EML5: variants seen among roughly 807,000 people sequenced by gnomAD.
EML5 encodes echinoderm microtubule-associated protein-like 5.
Under a neutral mutation model 250.0 loss-of-function variants are expected in EML5, and 120 were observed. That is an observed-to-expected ratio of 0.48 (90% CI 0.41 to 0.56). The LOEUF (loss-of-function observed/expected upper bound fraction) is 0.56, where lower values mean the gene tolerates loss of function less well. Ranked by LOEUF, EML5 falls within the 20% of genes least tolerant of loss-of-function variation. EML5 has a pLI of 0.00. For missense variants in EML5, 2,006 were observed against 2,437.6 expected (o/e 0.82, Z 3.73); for synonymous variants, 771 against 806.5 (o/e 0.96, Z 0.75).
chr14:88,673,334 C>T (rs1174960409), intron 21 of EML5, among the ~76,000 whole-genome samples: 1 of 152,206 alleles, frequency 6.6e-6, no homozygotes, highest in African/African-American at 2.4e-5. Flanking sequence ...TAAAATTCAA[C>T]ATCCCATCAC....
At chr14:88,621,457 A>G (rs941668) in intron 37 of EML5, 156 bp from the exon 38 acceptor site, 296,891 of 729,234 alleles carry the variant, frequency 0.41, 67,224 homozygotes, top group Middle Eastern at 0.49. Context: ...AAATTTTTCT[A>G]TGACTACAGG....
chr14:88,718,025 G>A (rs557583359), intron 8 of EML5, among the ~76,000 whole-genome samples: 3 of 152,324 alleles, frequency 2.0e-5, no homozygotes, highest in East Asian at 1.9e-4. Flanking sequence ...TCAACAGGAT[G>A]TGGTGCTGAT....
chr14:88,747,692 C>G (rs1053695594), intron 2 of EML5, among the ~76,000 whole-genome samples: 1 of 151,956 alleles, frequency 6.6e-6, no homozygotes. Context: ...AAGAAGCAAA[C>G]GGAACTTCCA....
intron 9 of EML5, among the ~76,000 whole-genome samples, chr14:88,714,189 C>T (rs1022543577): frequency 1.1e-4 from 17 of 152,134 alleles, no homozygotes; most frequent in African/African-American, 4.1e-4. Context: ...TCACACACTT[C>T]TAGTAATTAT....
At chr14:88,723,271 T>A (rs2093618005) in intron 8 of EML5, among the ~76,000 whole-genome samples, 1 of 152,066 alleles carries the variant, frequency 6.6e-6, no homozygotes. Flanking sequence ...AAAATAATTT[T>A]AGAAAAGGAA....
At position 88,724,157 on chromosome 14, in the gene EML5, C is replaced by T. The variant is rs567205867; in HGVS notation, c.1187+2384G>A. 6.0e-4 allele frequency among the ~76,000 whole-genome samples: 91 copies of T among 151,508 alleles called. 1 individual carries two copies. The East Asian group carries it at 0.016, about 26-fold the overall frequency. ...TGGCGTGGTGGCACGCACCTATAGT[C>T]CCAGCTACTCAGGAGGCTGAGGCAG... is the stretch of plus-strand genomic sequence containing the variant. On this transcript the variant is annotated intron_variant, in intron 8 of 43. Transcript: ENST00000554922.
intron 21 of EML5, among the ~76,000 whole-genome samples, chr14:88,668,185 T>G (rs1298046028): frequency 6.6e-6 from 1 of 152,230 alleles, no homozygotes; most frequent in East Asian, 1.9e-4. Context: ...GCAATTCTTT[T>G]TATTAAATTC....
chr14:88,754,807 A>G (rs2094139843), intron 1 of EML5, 136 bp from the exon 2 acceptor site: 1 of 832,302 alleles, frequency 1.2e-6, no homozygotes, highest in Non-Finnish European at 1.8e-6. Flanking sequence ...GGATTTTTTA[A>G]AAATTATTTT....
At chr14:88,659,800 T>C (rs2092013247) in intron 25 of EML5, among the ~76,000 whole-genome samples, 1 of 152,202 alleles carries the variant, frequency 6.6e-6, no homozygotes, top group Non-Finnish European at 1.5e-5. Context: ...GTCTGAGTTT[T>C]CAATGAGAAT....
At chr14:88,626,567 T>C in intron 35 of EML5, 1 of 411,048 alleles carries the variant, frequency 2.4e-6, no homozygotes, top group South Asian at 2.7e-5. Context: ...CAGTGAGCTA[T>C]AATCGCACCA....
chr14:88,792,814 A>C lies in EML5; in HGVS notation c.-311T>G. ...GCCCGTAGCGCCTGGGCCGAGAGCG[A>C]GGGCCCGCCTCCAGCTCCTCAGCCG... On this transcript the variant is annotated 5_prime_UTR_variant, in exon 1 of 44. Coordinates refer to ENST00000554922, the MANE Select transcript of EML5 (RefSeq NM_183387.3). This position sits in a 1 kb window ranked among gnomAD's most constrained non-coding sequence, Gnocchi z 6.9. The C allele has an allele frequency of 1.1e-6, 1 of 915,658 alleles. No homozygotes were observed. Among genetic ancestry groups the C allele is most frequent in the Non-Finnish European group, 1.3e-6 (1 of 762,782 alleles). 56.7% of individuals were successfully genotyped at this position (915,658 alleles called of 1,614,324 possible). A position where few individuals can be genotyped will look rare whatever the true frequency, so the allele number is the denominator to read the frequency against.
rs369084384 is a variant in EML5 at position 88,647,325 on chromosome 14, G to A, written c.4020-370C>T. On this transcript the variant is annotated intron_variant, in intron 28 of 43. Transcript: ENST00000554922. ...GTTGCAGTGAGCCAAGACTGCATGCGCCACTGCACTGCAGCCTGGGCGACA... is the reference window on the plus strand; with the variant it reads ...GTTGCAGTGAGCCAAGACTGCATGCACCACTGCACTGCAGCCTGGGCGACA... 2.2e-3 allele frequency among the ~76,000 whole-genome samples: 328 copies of A among 151,826 alleles called. 5 individuals carry two copies. The highest frequency in any genetic ancestry group is 7.4e-3 in the African/African-American group (306 of 41,366).
chr14:88,652,278 C>G (rs1287708876), intron 27 of EML5, among the ~76,000 whole-genome samples: 1 of 152,090 alleles, frequency 6.6e-6, no homozygotes, highest in Non-Finnish European at 1.5e-5. Context: ...ATGAGGTATA[C>G]CATCAGCAAA....
chr14:88,626,317 A>C (rs2089937311), intron 35 of EML5: 1 of 153,686 alleles, frequency 6.5e-6, no homozygotes, highest in Admixed American at 6.4e-5. Flanking sequence ...ACAGTAGTCC[A>C]AGGAATCAAA....
chr14:88,761,179 G>A (rs1183422360), intron 1 of EML5, among the ~76,000 whole-genome samples: 2 of 152,008 alleles, frequency 1.3e-5, no homozygotes, highest in Non-Finnish European at 2.9e-5. Context: ...GCACTGGCTT[G>A]AACTTCTAGC....
At chr14:88,755,100 A>C (rs1290864280) in intron 1 of EML5, among the ~76,000 whole-genome samples, 2 of 152,206 alleles carry the variant, frequency 1.3e-5, no homozygotes, top group Non-Finnish European at 2.9e-5. Context: ...CACCACGCCC[A>C]GCAGGTAATT....
intron 21 of EML5, among the ~76,000 whole-genome samples, chr14:88,675,682 A>G (rs764427508): frequency 3.9e-5 from 6 of 152,176 alleles, no homozygotes; most frequent in Non-Finnish European, 7.3e-5. Flanking sequence ...GCTGGCTTGA[A>G]TTTCACCTCA....
chr14:88,658,091 T>C (rs2091938242), intron 26 of EML5, 96 bp downstream of exon 26: 1 of 1,264,700 alleles, frequency 7.9e-7, no homozygotes, highest in Non-Finnish European at 1.1e-6. Context: ...CTACAATTAT[T>C]CAAACATTAT....
chr14:88,632,128 T>A (rs567769043), intron 33 of EML5, among the ~76,000 whole-genome samples: 2 of 152,306 alleles, frequency 1.3e-5, no homozygotes, highest in South Asian at 4.1e-4. Context: ...CCCATTTGGC[T>A]CACTGTTCAA....
Sources: allele counts gnomAD v4.1 joint callset (sites outside exome capture counted in the v4.1 genomes callset), GRCh38; gene constraint gnomAD v4.1.1; non-coding constraint Gnocchi (gnomAD v3.1); transcripts MANE v1.5; gene names NCBI Gene and HGNC (gene_info 2026-07-23, HGNC 2026-07-21).